The following BCAS3 variants were observed in gnomAD, a reference collection of about 807,000 sequenced individuals.
BCAS3 encodes the protein BCAS3 microtubule associated cell migration factor, also known as BCAS4/BCAS3 fusion.
A neutral mutation model predicts 116.1 loss-of-function variants in BCAS3; 53 were observed. That is an observed-to-expected ratio of 0.46 (90% CI 0.37 to 0.57). The LOEUF is 0.57. Among genes scored for constraint, BCAS3 ranks in the 20% least tolerant of loss-of-function variants. BCAS3 has a pLI of 0.00. For missense variants in BCAS3, 917 were observed against 1,165.4 expected (o/e 0.79, Z 3.10); for synonymous variants, 391 against 408.2 (o/e 0.96, Z 0.51).
chr17:60,966,448 GT>G (rs1766350223), intron 14 of BCAS3, among the ~76,000 whole-genome samples: 2 of 152,004 alleles, frequency 1.3e-5, no homozygotes, highest in South Asian at 4.1e-4. Context: ...CTGTTAATTT[GT>G]TGCATTTCTT....
chr17:60,836,548 A>G (rs2051393801), intron 7 of BCAS3, among the ~76,000 whole-genome samples: 1 of 152,186 alleles, frequency 6.6e-6, no homozygotes, highest in Non-Finnish European at 1.5e-5. Flanking sequence ...TAGTTAAAAA[A>G]AAGAAAAAAT....
chr17:61,292,512 C>T (rs1042032797), intron 22 of BCAS3, among the ~76,000 whole-genome samples: 4 of 152,092 alleles, frequency 2.6e-5, no homozygotes, highest in Admixed American at 1.3e-4. Flanking sequence ...ATTAGCCAGG[C>T]GTGGTGGTGG....
intron 7 of BCAS3, among the ~76,000 whole-genome samples, chr17:60,837,558 C>G (rs936067683): frequency 6.6e-6 from 1 of 151,996 alleles, no homozygotes; most frequent in Non-Finnish European, 1.5e-5. Context: ...AATGGAAAAC[C>G]TAACTAATTG....
intron 23 of BCAS3, among the ~76,000 whole-genome samples, chr17:61,372,240 A>G (rs1454936472): frequency 6.6e-6 from 1 of 152,072 alleles, no homozygotes; most frequent in Non-Finnish European, 1.5e-5. Flanking sequence ...TTTGCAGCAA[A>G]AGACAGTGCC....
chr17:61,039,483 C>T (rs1177202964), intron 18 of BCAS3, among the ~76,000 whole-genome samples: 1 of 151,594 alleles, frequency 6.6e-6, no homozygotes, highest in Non-Finnish European at 1.5e-5. Context: ...AGTGCAGTGG[C>T]GTGATCTCGG....
At chr17:60,816,689 T>C (rs908485152) in intron 7 of BCAS3, among the ~76,000 whole-genome samples, 7 of 152,222 alleles carry the variant, frequency 4.6e-5, no homozygotes, top group African/African-American at 1.7e-4. Context: ...CAAAACATTT[T>C]ATTTGAGAAT....
At chr17:60,699,500 C>T (rs1435452986) in intron 4 of BCAS3, among the ~76,000 whole-genome samples, 2 of 152,104 alleles carry the variant, frequency 1.3e-5, no homozygotes, top group South Asian at 2.1e-4. Context: ...GGATTACAGG[C>T]GTGAGCCACC....
chr17:60,994,717 C>A lies in BCAS3; in HGVS notation c.1486+4482C>A, dbSNP rs1033594186. On this transcript the variant is annotated intron_variant, in intron 15 of 23. Transcript: ENST00000407086. The surrounding 1 kb of genome is among the most constrained non-coding windows in gnomAD (Gnocchi z 4.4). ...TATTTTTTGATAACTTTCCTATTTGCAACTTTTCTTTATTTGACATTATTA... is the reference window on the plus strand; with the variant it reads ...TATTTTTTGATAACTTTCCTATTTGAAACTTTTCTTTATTTGACATTATTA... 2.0e-5 allele frequency among the ~76,000 whole-genome samples: 3 copies of A among 152,138 alleles called. No individual in the cohort carries two copies. The highest frequency in any genetic ancestry group is 2.9e-5 in the Non-Finnish European group (2 of 68,014).
rs542144381 is a variant in BCAS3 at position 60,782,817 on chromosome 17, A to G, written c.404-25187A>G. ...TGGCCAGGATGGTCTTGATCTCTTG[A>G]CCTCAGGTGATCTGCCTGGCTTGGC... is the stretch of plus-strand genomic sequence containing the variant. On this transcript the variant is annotated intron_variant, in intron 6 of 23. Transcript: ENST00000407086. Among the ~76,000 whole-genome samples the G allele has an allele frequency of 4.0e-5, 6 of 149,324 alleles. No homozygotes were observed. The South Asian group carries it at 1.2e-3, about 31-fold the overall frequency.
Position 61,212,220 on chromosome 17 carries a change from C to G in BCAS3, c.2425+127656C>G, listed in dbSNP as rs546901988. ...TGGAAGGATATCCTATTTTGAAGCT[C>G]AAATAGTTTTATTTTTATTTACGTA... On this transcript the variant is annotated intron_variant, in intron 22 of 23. Transcript: ENST00000407086. Among the ~76,000 whole-genome samples, 165 of 152,226 alleles carry G rather than the reference C, an allele frequency of 1.1e-3. 1 individual carries two copies. The highest frequency in any genetic ancestry group is 3.7e-3 in the African/African-American group (153 of 41,536).
At chr17:60,996,173 T>C (rs181098558) in intron 15 of BCAS3, among the ~76,000 whole-genome samples, 108 of 152,156 alleles carry the variant, frequency 7.1e-4, no homozygotes, top group Admixed American at 5.7e-3. Context: ...TGGAGGGCAT[T>C]GAGAATAAGA....
chr17:61,340,264 G>C (rs190575951), intron 22 of BCAS3, among the ~76,000 whole-genome samples: 276 of 151,382 alleles, frequency 1.8e-3, no homozygotes, highest in Non-Finnish European at 3.0e-3. Context: ...AAGAGGGGGT[G>C]GGGGCTGGTG....
At chr17:60,992,181 C>T (rs192313705) in intron 15 of BCAS3, among the ~76,000 whole-genome samples, 154 of 135,566 alleles carry the variant, frequency 1.1e-3, no homozygotes, top group Middle Eastern at 0.011. Flanking sequence ...TCGTAGTATC[C>T]GATGACTTAC....
chr17:60,773,099 T>C (rs530514615), intron 6 of BCAS3, among the ~76,000 whole-genome samples: 1 of 152,324 alleles, frequency 6.6e-6, no homozygotes, highest in African/African-American at 2.4e-5. Flanking sequence ...AAGAGTTGTG[T>C]AGCTTGCATC....
chr17:60,811,298 A>G (rs2048792242), intron 7 of BCAS3: 1 of 811,642 alleles, frequency 1.2e-6, no homozygotes, highest in Middle Eastern at 3.7e-4. Context: ...GGAGACTGAG[A>G]TCACCACCTA....
intron 6 of BCAS3, among the ~76,000 whole-genome samples, chr17:60,770,834 GTTTTTTTTTTT>G (rs60854011): frequency 5.6e-4 from 43 of 76,780 alleles, no homozygotes; most frequent in Non-Finnish European, 9.0e-4. Context: ...ACTGAAATTT[GTTTTTTTTTTT>G]TTTTTTTTTT....
chr17:60,743,510 T>TA (rs80002683), intron 5 of BCAS3, among the ~76,000 whole-genome samples: 4,914 of 140,152 alleles, frequency 0.035, 232 homozygotes, highest in African/African-American at 0.11. Context: ...TAAAGTTTGC[T>TA]AAAAAAAAAA....
intron 17 of BCAS3, among the ~76,000 whole-genome samples, chr17:61,036,736 G>C (rs998534434): frequency 3.3e-5 from 5 of 152,136 alleles, no homozygotes; most frequent in African/African-American, 9.7e-5. Flanking sequence ...TGTTTTGCTA[G>C]TGGGTACATG....
At chr17:61,070,279 T>G (rs1166717381) in intron 19 of BCAS3, 1 of 1,431,076 alleles carries the variant, frequency 7.0e-7, no homozygotes, top group East Asian at 2.3e-5. Context: ...GAAGAAGGCA[T>G]ATGTTCGACT....
Sources: allele counts gnomAD v4.1 joint callset (sites outside exome capture counted in the v4.1 genomes callset), GRCh38; gene constraint gnomAD v4.1.1; non-coding constraint Gnocchi (gnomAD v3.1); transcripts MANE v1.5; gene names NCBI Gene and HGNC (gene_info 2026-07-23, HGNC 2026-07-21).